Variants in UBE2J1 observed in about 807,000 individuals in gnomAD.
The protein encoded by UBE2J1 is ubiquitin-conjugating enzyme E2 J1.
In UBE2J1, 17 loss-of-function variants were observed where a neutral mutation model predicts 42.1. The ratio of observed to expected loss-of-function variants is 0.40; its 90% CI spans 0.28 to 0.61. UBE2J1 has a LOEUF of 0.61. UBE2J1 is among the 20% of genes least tolerant of loss of function. UBE2J1 has a pLI of 0.38. For missense variants in UBE2J1, 291 were observed against 389.4 expected, an observed-to-expected ratio of 0.75 and a Z score of 2.13; for synonymous variants, 127 against 137.2, an observed-to-expected ratio of 0.93 and a Z score of 0.52.
rs1767945384 is a variant in UBE2J1, at chr6:89,328,452, C to T, written c.*1227G>A. The T allele has an allele frequency of 6.6e-6, 1 of 152,166 alleles. No individual in the cohort carries two copies. The highest frequency in any genetic ancestry group is 1.5e-5 in the Non-Finnish European group (1 of 68,020). The allele number at this position is 152,166 out of a possible 1,614,324, so 9.4% of individuals were successfully genotyped here. The stretch of plus-strand genomic sequence containing the variant: ...TAACTTACAAATAACACTTTTGGAG[C>T]ATAACCTATTTGAAAGCTTGGAACC... On this transcript the variant is annotated 3_prime_UTR_variant, in exon 8 of 8. Transcript: ENST00000435041.
chr6:89,339,006 A>AT (rs1292035815), intron 3 of UBE2J1, among the ~76,000 whole-genome samples: 3 of 152,118 alleles, frequency 2.0e-5, no homozygotes, highest in Admixed American at 1.3e-4. Context: ...TGGGACACAG[A>AT]TTTTTTGTCC....
intron 3 of UBE2J1, 120 bp from the exon 4 acceptor site, chr6:89,338,663 T>TG (rs1768161654): frequency 3.9e-6 from 1 of 258,742 alleles, no homozygotes; most frequent in Non-Finnish European, 6.3e-6. Context: ...GTTTGTTTTT[T>TG]TTTTTTTTTT....
At position 89,326,883 on chromosome 6, in the gene UBE2J1, A is replaced by G. The variant is rs1336893966; in HGVS notation, c.*2796T>C. ...TTGTTCAAATGAGTCCAAATGTGTG[A>G]GTGAGGTTTACCTGTTTTCTGATTC... is the stretch of plus-strand genomic sequence containing the variant. On this transcript the variant is annotated 3_prime_UTR_variant, in exon 8 of 8. Coordinates refer to ENST00000435041, the MANE Select transcript of UBE2J1 (RefSeq NM_016021.3). The G allele has an allele frequency of 6.6e-6, 1 of 152,378 alleles. No homozygotes were observed. The highest frequency in any genetic ancestry group is 1.5e-5 in the Non-Finnish European group (1 of 68,026). 9.4% of individuals were successfully genotyped at this position (152,378 alleles called of 1,614,324 possible).
rs972323410 is a variant in UBE2J1 at position 89,338,305 on chromosome 6, T to C, written c.328A>G (p.Thr110Ala). 1 of 1,612,032 alleles carries C rather than the reference T, an allele frequency of 6.2e-7. No homozygotes were observed. The highest frequency in any genetic ancestry group is 8.5e-7 in the Non-Finnish European group (1 of 1,179,216). Residue 110 changes from threonine (T) to alanine (A), a missense_variant, in exon 5 of 8, where the codon ACA (threonine) becomes GCA (alanine). Physicochemically the swap from Thr to Ala is moderately conservative, Grantham distance 58 (BLOSUM62 0). Around this residue, in one of 2 missense-constraint regions of UBE2J1, gnomAD observed 115 missense variants for 193.1 expected, o/e 0.60. Transcript: ENST00000435041. ...ETWQPSWSIRTALLAIIGFMP... is the reference protein window; with the variant it reads ...ETWQPSWSIRAALLAIIGFMP... Reference sequence around the variant, plus strand: ...AACCCAATGATGGCTAATAATGCTGTCCTTACTGAAATAAAAAAGTAAATA... The same window carrying C: ...AACCCAATGATGGCTAATAATGCTGCCCTTACTGAAATAAAAAAGTAAATA...
rs1228784682 is a variant in UBE2J1 at position 89,329,578 on chromosome 6, T to C, written c.*101A>G. ...AAGGATCAAAAAAAGGAATGAAGGG[T>C]AAATACAAAATAATCTTTTTGTAAA... On this transcript the variant is annotated 3_prime_UTR_variant, in exon 8 of 8. Coordinates refer to ENST00000435041, the MANE Select transcript of UBE2J1 (RefSeq NM_016021.3). 3.1e-6 allele frequency: 4 copies of C among 1,293,496 alleles called. No individual in the cohort carries two copies. The South Asian group carries it at 3.9e-5, about 13-fold the overall frequency. 80.1% of individuals were successfully genotyped at this position (1,293,496 alleles called of 1,614,324 possible).
At chr6:89,333,001 A>G (rs1231152906) in intron 7 of UBE2J1, 85 bp downstream of exon 7, 5 of 1,302,764 alleles carry the variant, frequency 3.8e-6, no homozygotes, top group African/African-American at 1.5e-5. Flanking sequence ...AATTTTTCAG[A>G]TATTTGATCC....
intron 1 of UBE2J1, among the ~76,000 whole-genome samples, chr6:89,344,077 A>G (rs1768311959): frequency 6.6e-6 from 1 of 152,198 alleles, no homozygotes; most frequent in South Asian, 2.1e-4. Flanking sequence ...AACCCTTAAT[A>G]CAACATTACT....
intron 1 of UBE2J1, among the ~76,000 whole-genome samples, chr6:89,344,860 ATCTGTATCTG>A (rs1180384625): frequency 1.3e-5 from 2 of 152,136 alleles, no homozygotes; most frequent in African/African-American, 4.8e-5. Context: ...CTACAATCCT[ATCTGTATCTG>A]CACCCTCTGT....
intron 1 of UBE2J1, among the ~76,000 whole-genome samples, chr6:89,348,318 G>A (rs1314727486): frequency 2.0e-5 from 3 of 152,172 alleles, no homozygotes; most frequent in Non-Finnish European, 4.4e-5. Context: ...TGTGGGCCTA[G>A]GCATTAGCAT....
chr6:89,350,590 T>G (rs1316089659), intron 1 of UBE2J1, among the ~76,000 whole-genome samples: 2 of 145,800 alleles, frequency 1.4e-5, no homozygotes, highest in Non-Finnish European at 3.0e-5. Flanking sequence ...AAGCATTGTG[T>G]TTTTTTTTTT....
intron 6 of UBE2J1, among the ~76,000 whole-genome samples, chr6:89,334,691 C>G (rs892530003): frequency 6.6e-6 from 1 of 151,742 alleles, no homozygotes; most frequent in Non-Finnish European, 1.5e-5. Flanking sequence ...TGGTCTCGAA[C>G]TCCTGACTTC....
chr6:89,336,728 T>C (rs933304625), intron 5 of UBE2J1, among the ~76,000 whole-genome samples: 1 of 152,178 alleles, frequency 6.6e-6, no homozygotes, highest in Non-Finnish European at 1.5e-5. Context: ...AATTATTTGC[T>C]TCAAAATGTA....
intron 5 of UBE2J1, among the ~76,000 whole-genome samples, chr6:89,335,698 C>A (rs1358447940): frequency 2.0e-5 from 3 of 152,100 alleles, no homozygotes; most frequent in Non-Finnish European, 2.9e-5. Context: ...AGTTTTACAT[C>A]TATACAATGA....
chr6:89,343,656 A>C, intron 2 of UBE2J1, 27 bp downstream of exon 2: 1 of 1,539,906 alleles, frequency 6.5e-7, no homozygotes, highest in Non-Finnish European at 8.8e-7. Context: ...TAAAATCCAT[A>C]TGAAGAACAT....
intron 3 of UBE2J1, among the ~76,000 whole-genome samples, chr6:89,340,742 G>GTATT (rs138529944): frequency 0.057 from 8,469 of 148,224 alleles, 467 homozygotes; most frequent in East Asian, 0.21. Context: ...CATTAATTTG[G>GTATT]TATTTATTTA....
intron 7 of UBE2J1, among the ~76,000 whole-genome samples, chr6:89,330,764 C>T (rs893661040): frequency 2.0e-5 from 3 of 152,002 alleles, no homozygotes; most frequent in Non-Finnish European, 4.4e-5. Context: ...TGCCTGCACT[C>T]CAACCTGAGC....
At chr6:89,337,319 C>T (rs756052333) in intron 5 of UBE2J1, among the ~76,000 whole-genome samples, 5 of 149,668 alleles carry the variant, frequency 3.3e-5, no homozygotes, top group Admixed American at 6.7e-5. Flanking sequence ...AAAACAAATA[C>T]TATGTATTCA....
chr6:89,341,912 T>A (rs1428191580), intron 3 of UBE2J1, among the ~76,000 whole-genome samples: 3 of 152,036 alleles, frequency 2.0e-5, no homozygotes, highest in Non-Finnish European at 4.4e-5. Flanking sequence ...CTCAATGAGG[T>A]AGGTATCATT....
chr6:89,352,042 A>T (rs2127876453), intron 1 of UBE2J1, among the ~76,000 whole-genome samples: 1 of 152,312 alleles, frequency 6.6e-6, no homozygotes, highest in Middle Eastern at 3.4e-3. Flanking sequence ...TGGTTTAGTT[A>T]CAGAACATTT....
Sources: allele counts gnomAD v4.1 joint callset (sites outside exome capture counted in the v4.1 genomes callset), GRCh38; gene constraint gnomAD v4.1.1; regional missense constraint gnomAD v4.1.1; transcripts MANE v1.5; gene names NCBI Gene and HGNC (gene_info 2026-07-23, HGNC 2026-07-21).